MS4A4E: variants seen among roughly 807,000 people sequenced by gnomAD.
The protein encoded by MS4A4E is putative membrane-spanning 4-domains subfamily A member 4E.
Under a neutral mutation model 13.3 loss-of-function variants are expected in MS4A4E, and 23 were observed. The observed-to-expected ratio is 1.73, with a 90% CI of 1.25 to 2.45. The LOEUF (loss-of-function observed/expected upper bound fraction) is 2.45. Among genes scored for constraint, MS4A4E ranks in the 30% most tolerant of loss-of-function variants. The pLI, the probability that MS4A4E is intolerant of heterozygous loss-of-function variation, is 0.00. For synonymous variants in MS4A4E, 36 were observed against 45.6 expected, an observed-to-expected ratio of 0.79 and a Z score of 0.85; for missense variants, 144 against 131.2, an observed-to-expected ratio of 1.10 and a Z score of -0.48.
intron 6 of MS4A4E, among the ~76,000 whole-genome samples, chr11:60,208,169 TC>T (rs909096795): frequency 4.6e-5 from 7 of 152,140 alleles, no homozygotes; most frequent in African/African-American, 1.7e-4. Flanking sequence ...GGGATACAAG[TC>T]CCGTATGTAG....
Position 60,205,729 on chromosome 11 carries a change from T to C in MS4A4E, c.575A>G (p.Asp192Gly), listed in dbSNP as rs11230189. 0.017 allele frequency among the ~76,000 whole-genome samples: 2,593 copies of C among 152,264 alleles called. 78 individuals are homozygous for C. The highest frequency in any genetic ancestry group is 0.059 in the African/African-American group (2,459 of 41,546). The stretch of plus-strand genomic sequence containing the variant: ...CATTATTTACCACCATACAGTACTG[T>C]CGACATCAACATTTAGTCTCTTTCC... ...YDGKRLNVDV[D>G]STVWCSGDGQ... The change falls in exon 7 of 9, where the codon GAC (aspartate) becomes GGC (glycine). Residue 192 changes from aspartate to glycine, a missense_variant. Transcript: ENST00000651255.
chr11:60,236,453 T>C (rs1289679942), intron 1 of MS4A4E, among the ~76,000 whole-genome samples: 1 of 152,114 alleles, frequency 6.6e-6, no homozygotes, highest in Non-Finnish European at 1.5e-5. Context: ...TTTTCATTTG[T>C]TTAAATTTTC....
rs1260537431 is a variant in MS4A4E, at chr11:60,215,263, CA to C, written c.179-650del. 2.6e-5 allele frequency among the ~76,000 whole-genome samples: 4 copies of C among 151,668 alleles called. No homozygotes were observed. The East Asian group carries it at 7.7e-4, about 29-fold the overall frequency. ...TAGCTCAATAAACTTCTTTAGTTTC[CA>C]AATACCCAGACATAGAGATGATTCA... On this transcript the variant is annotated intron_variant, in intron 3 of 8. Transcript: ENST00000651255.
chr11:60,221,589 C>T (rs1024217233), intron 3 of MS4A4E, among the ~76,000 whole-genome samples: 12 of 152,222 alleles, frequency 7.9e-5, no homozygotes, highest in African/African-American at 2.2e-4. Flanking sequence ...GAAGGAAAAT[C>T]GTCCCAGTGG....
chr11:60,212,375 T>A (rs2084133680), intron 5 of MS4A4E, among the ~76,000 whole-genome samples: 1 of 151,264 alleles, frequency 6.6e-6, no homozygotes, highest in Non-Finnish European at 1.5e-5. Context: ...AGTGGCACTA[T>A]CTCGGCTCAC....
chr11:60,241,033 A>T (rs2084542541), intron 1 of MS4A4E, among the ~76,000 whole-genome samples: 1 of 151,428 alleles, frequency 6.6e-6, no homozygotes, highest in Non-Finnish European at 1.5e-5. Flanking sequence ...TTACTTATTT[A>T]TTTATTTTGA....
Position 60,242,957 on chromosome 11 carries a change from C to T in MS4A4E, c.-17+1G>A, listed in dbSNP as rs1414633578. The stretch of plus-strand genomic sequence containing the variant: ...CTAGGAAGGCAAGTCCCTGGACCTA[C>T]CTTTCTTCAGGCCTGCAATGTCTGC... On this transcript the variant is annotated splice_donor_variant, in intron 1 of 8. Transcript: ENST00000651255. LOFTEE classifies it low-confidence loss of function (5UTR_SPLICE). 1.9e-6 allele frequency: 3 copies of T among 1,573,660 alleles called. No homozygotes were observed. Among genetic ancestry groups the T allele is most frequent in the African/African-American group, 1.4e-5 (1 of 73,896 alleles).
At chr11:60,206,217 C>T (rs918755684) in intron 6 of MS4A4E, among the ~76,000 whole-genome samples, 2 of 151,958 alleles carry the variant, frequency 1.3e-5, no homozygotes, top group Admixed American at 6.6e-5. Flanking sequence ...TACAGGGGAG[C>T]AGAAGTATGT....
In MS4A4E at chr11:60,201,066, G is replaced by T. The variant is rs1364626575; in HGVS notation, c.*477C>A. Among the ~76,000 whole-genome samples, 18 of 145,600 alleles carry T rather than the reference G, an allele frequency of 1.2e-4. No individual in the cohort carries two copies. In the South Asian group the frequency reaches 3.7e-3, roughly 30 times the overall value. On this transcript the variant is annotated 3_prime_UTR_variant, in exon 9 of 9. Coordinates refer to ENST00000651255, the MANE Select transcript of MS4A4E (RefSeq NM_001393391.1). ...GACGTGGTGGCTGGCCGGGTGGGGG[G>T]CTGAACCCCCCACCTCCCTCCCGGA... is the stretch of plus-strand genomic sequence containing the variant.
rs113391522 is a variant in MS4A4E, at chr11:60,223,050, GA to G, written c.178+5543del. On this transcript the variant is annotated intron_variant, in intron 3 of 8. Coordinates refer to ENST00000651255, the MANE Select transcript of MS4A4E (RefSeq NM_001393391.1). Reference sequence around the variant, plus strand: ...ATGAAGGTTTTGGTCACTCCACCAGGAAAAAAAAAAACACAACCTGCTGAGG... The same window carrying G: ...ATGAAGGTTTTGGTCACTCCACCAGGAAAAAAAAAACACAACCTGCTGAGG... Among the ~76,000 whole-genome samples, 237 of 144,836 alleles carry G rather than the reference GA, an allele frequency of 1.6e-3. 1 individual carries two copies. Among genetic ancestry groups the G allele is most frequent in the African/African-American group, 5.4e-3 (212 of 39,546 alleles).
intron 3 of MS4A4E, among the ~76,000 whole-genome samples, chr11:60,223,428 A>C (rs185179883): frequency 1.3e-5 from 2 of 152,100 alleles, no homozygotes; most frequent in East Asian, 3.9e-4. Context: ...TTTTGTCTTT[A>C]TTTTCTTTAT....
At chr11:60,214,637 A>G (rs1050269732) in intron 3 of MS4A4E, 23 bp from the exon 4 acceptor site, 3 of 1,474,718 alleles carry the variant, frequency 2.0e-6, no homozygotes, top group Non-Finnish European at 2.7e-6. Context: ...AATAAGAATG[A>G]GAGAAAAAAA....
At chr11:60,223,360 T>C (rs75920950) in intron 3 of MS4A4E, among the ~76,000 whole-genome samples, 59 of 152,348 alleles carry the variant, frequency 3.9e-4, no homozygotes, top group African/African-American at 1.3e-3. Context: ...GTATAGGGGA[T>C]TGGTGCATTT....
At chr11:60,209,394 A>T (rs908090059) in intron 5 of MS4A4E, among the ~76,000 whole-genome samples, 2 of 152,222 alleles carry the variant, frequency 1.3e-5, no homozygotes, top group Non-Finnish European at 2.9e-5. Flanking sequence ...TACAGAAGCC[A>T]GAAAAGGCAG....
At chr11:60,202,262 A>G (rs1191000310) in intron 8 of MS4A4E, among the ~76,000 whole-genome samples, 1 of 152,244 alleles carries the variant, frequency 6.6e-6, no homozygotes, top group Non-Finnish European at 1.5e-5. Context: ...TTTGAAGAAG[A>G]TTTATGGTGT....
rs1554983301 is a variant in MS4A4E at position 60,206,512 on chromosome 11, T to TGTATATATATATGTATATATATATATAC, written c.484-693_484-692insGTATATATATATATACATATATATATAC. Among the ~76,000 whole-genome samples the TGTATATATATATGTATATATATATATAC allele has an allele frequency of 6.1e-5, 6 of 98,346 alleles. 1 individual carries two copies. The highest frequency in any genetic ancestry group is 2.9e-4 in the African/African-American group (6 of 20,690). The allele number at this position is 98,346 out of a possible 152,430, so 64.5% of individuals were successfully genotyped here. On this transcript the variant is annotated intron_variant, in intron 6 of 8. Transcript: ENST00000651255. ...ATGTATATATATACGTATATATATA[T>TGTATATATATATGTATATATATATATAC]ACACACACACACACACAGAGGTCAT...
chr11:60,230,029 C>G lies in MS4A4E; in HGVS notation c.27G>C (p.Gln9His). The change falls in exon 2 of 9, where the codon CAG becomes CAC. Residue 9 changes from glutamine to histidine, a missense_variant. Physicochemically the swap from Gln to His is conservative, Grantham distance 24 (BLOSUM62 0). Around this residue, in one of 3 missense-constraint regions of MS4A4E, gnomAD observed 119 missense variants for 88.7 expected, o/e 1.34. Transcript: ENST00000651255. Reference protein sequence around the residue: MTTMQGMEQTTPGAGPDVP... With the variant: MTTMQGMEHTTPGAGPDVP... ...CATCAGGGCCAGCCCCTGGAGTGGT[C>G]TGTTCCATTCCTTGCATGGTTGTCA... is the stretch of plus-strand genomic sequence containing the variant. The G allele has an allele frequency of 6.2e-7, 1 of 1,601,872 alleles. No individual in the cohort carries two copies. Among genetic ancestry groups the G allele is most frequent in the South Asian group, 1.1e-5 (1 of 88,758 alleles).
At chr11:60,203,120 T>C (rs1037942891) in intron 8 of MS4A4E, among the ~76,000 whole-genome samples, 3 of 152,234 alleles carry the variant, frequency 2.0e-5, no homozygotes, top group Non-Finnish European at 4.4e-5. Flanking sequence ...TTTTCCTGAA[T>C]ATTTAAAAGT....
chr11:60,241,443 G>A (rs1373510613), intron 1 of MS4A4E, among the ~76,000 whole-genome samples: 1 of 152,168 alleles, frequency 6.6e-6, no homozygotes, highest in Non-Finnish European at 1.5e-5. Flanking sequence ...TCTGTGTTTA[G>A]TGCCTCTCGG....
Sources: allele counts gnomAD v4.1 joint callset (sites outside exome capture counted in the v4.1 genomes callset), GRCh38; gene constraint gnomAD v4.1.1; regional missense constraint gnomAD v4.1.1; transcripts MANE v1.5; gene names NCBI Gene and HGNC (gene_info 2026-07-23, HGNC 2026-07-21).